POLR1E: variants seen among roughly 807,000 people sequenced by gnomAD.
POLR1E encodes RNA polymerase I subunit E, also known as DNA-directed RNA polymerase I subunit RPA49.
POLR1E carries 37 observed loss-of-function variants against 50.9 expected under a neutral mutation model. The ratio of observed to expected loss-of-function variants is 0.73; its 90% confidence interval spans 0.56 to 0.96. The LOEUF is 0.96. POLR1E is among the 40% of genes least tolerant of loss of function. The pLI is 0.00. For missense variants in POLR1E, 426 were observed against 518.1 expected (o/e 0.82, Z 1.73); for synonymous variants, 166 against 191.6 (o/e 0.87, Z 1.10).
chr9:37,496,625 T>TTC (rs1820791215), intron 8 of POLR1E, among the ~76,000 whole-genome samples: 1 of 83,986 alleles, frequency 1.2e-5, no homozygotes, highest in African/African-American at 4.6e-5. Context: ...TATTATTTCT[T>TTC]TTTTTTTTTT....
chr9:37,490,010 A>C (rs974130198), intron 4 of POLR1E, among the ~76,000 whole-genome samples: 4 of 144,330 alleles, frequency 2.8e-5, no homozygotes, highest in African/African-American at 1.0e-4. Flanking sequence ...TCAGAGGTTC[A>C]TAAAAGCAAT....
Position 37,498,095 on chromosome 9 carries a change from T to C in POLR1E, c.757T>C (p.Cys253Arg). The C allele has an allele frequency of 6.2e-7, 1 of 1,613,740 alleles. No homozygotes were observed. The highest frequency in any genetic ancestry group is 1.1e-5 in the South Asian group (1 of 90,978). ...ILKMIEENSH[C>R]TFVIEALKSL... ...CTTTTCTTTTCCTTGTTTTAGCCATTGCACCTTTGTCATAGAAGCGTTGAA... is the reference window on the plus strand; with the variant it reads ...CTTTTCTTTTCCTTGTTTTAGCCATCGCACCTTTGTCATAGAAGCGTTGAA... The change falls in exon 9 of 12, where the codon TGC (cysteine) becomes CGC (arginine). Residue 253 changes from cysteine to arginine, a missense_variant. Transcript: ENST00000377798.
intron 1 of POLR1E, chr9:37,486,393 C>G: frequency 6.6e-7 from 1 of 1,507,944 alleles, no homozygotes; most frequent in Non-Finnish European, 8.9e-7. Context: ...CCCGCCTCCC[C>G]CATTTCCCTC....
At chr9:37,495,509 A>G (rs957361630) in intron 7 of POLR1E, among the ~76,000 whole-genome samples, 3 of 152,198 alleles carry the variant, frequency 2.0e-5, no homozygotes, top group South Asian at 2.1e-4. Flanking sequence ...AAATGCCCAC[A>G]GCTTAGACCT....
chr9:37,498,209 G>C lies in POLR1E; in HGVS notation c.871G>C (p.Val291Leu). Reference sequence around the variant, plus strand: ...CCTCATCAAATTTCGAGCTCATAGGGTAGTTAAGCGGAAAAGTAAGTCTAT... The same window carrying C: ...CCTCATCAAATTTCGAGCTCATAGGCTAGTTAAGCGGAAAAGTAAGTCTAT... ...DTLIKFRAHR[V>L]VKRKSALGPG... is the part of the protein sequence containing the mutation. Residue 291 changes from valine to leucine, a missense_variant, in exon 9 of 12, where the codon GTA (valine) becomes CTA (leucine). Coordinates refer to ENST00000377798, the MANE Select transcript of POLR1E (RefSeq NM_022490.4). 6.2e-7 allele frequency: 1 copy of C among 1,613,118 alleles called. No homozygotes were observed. The highest frequency in any genetic ancestry group is 8.5e-7 in the Non-Finnish European group (1 of 1,179,618).
chr9:37,503,318 C>T lies in POLR1E; in HGVS notation c.*116C>T, dbSNP rs1400238453. The T allele has an allele frequency of 1.5e-5, 19 of 1,305,268 alleles. No homozygotes were observed. Among genetic ancestry groups the T allele is most frequent in the Non-Finnish European group, 1.9e-5 (19 of 980,632 alleles). The allele number at this position is 1,305,268 out of a possible 1,614,324, so 80.9% of individuals were successfully genotyped here. A position where few individuals can be genotyped will look rare whatever the true frequency, so the allele number is the denominator to read the frequency against. ...AAGGTCCGGGGATGGTGGCTCACAC[C>T]TGAAATCCCAGCACTTTGGGAGGCC... On this transcript the variant is annotated 3_prime_UTR_variant, in exon 12 of 12. Transcript: ENST00000377798.
At chr9:37,495,138 G>A in intron 6 of POLR1E, 31 bp from the exon 7 acceptor site, 1 of 1,540,528 alleles carries the variant, frequency 6.5e-7, no homozygotes, top group African/African-American at 1.4e-5. Context: ...AACAAACAGG[G>A]TGATACATGG....
chr9:37,502,973 C>A, intron 11 of POLR1E, 70 bp from the exon 12 acceptor site: 1 of 1,454,020 alleles, frequency 6.9e-7, no homozygotes, highest in Non-Finnish European at 9.2e-7. Flanking sequence ...GTGCTGCTAC[C>A]TTTTGCCAAA....
At chr9:37,491,559 G>A (rs1419057650) in intron 4 of POLR1E, among the ~76,000 whole-genome samples, 1 of 151,800 alleles carries the variant, frequency 6.6e-6, no homozygotes. Flanking sequence ...TGCCTCCCGG[G>A]TTCTAGCGAT....
intron 1 of POLR1E, chr9:37,486,479 C>T (rs1820577800): frequency 9.0e-6 from 14 of 1,551,936 alleles, no homozygotes; most frequent in Non-Finnish European, 1.2e-5. Flanking sequence ...TTCCGCGAGA[C>T]ATTCCCTCCT....
rs1481608712 is a variant in POLR1E, at chr9:37,486,199, C to T, written c.76+76C>T. On this transcript the variant is annotated intron_variant, in intron 1 of 11. Transcript: ENST00000377798. ...TCTCGGTACCTCAGCTGTCCTCTCG[C>T]CCTCCGTTGGGCTTCTCCCCAGCGG... is the stretch of plus-strand genomic sequence containing the variant. 6 of 1,478,030 alleles carry T rather than the reference C, an allele frequency of 4.1e-6. No homozygotes were observed. In the East Asian group the frequency reaches 9.8e-5, roughly 24 times the overall value. 91.6% of individuals were successfully genotyped at this position (1,478,030 alleles called of 1,614,324 possible).
chr9:37,491,238 A>G (rs1820678146), intron 4 of POLR1E, among the ~76,000 whole-genome samples: 1 of 152,190 alleles, frequency 6.6e-6, no homozygotes, highest in South Asian at 2.1e-4. Flanking sequence ...TGATGCCCTT[A>G]AATACTGGGA....
chr9:37,501,245 T>C (rs1820882698), intron 10 of POLR1E, among the ~76,000 whole-genome samples: 1 of 152,252 alleles, frequency 6.6e-6, no homozygotes, highest in African/African-American at 2.4e-5. Flanking sequence ...AAGGCAGCAT[T>C]GCAGAAAAGG....
chr9:37,493,550 C>G lies in POLR1E; in HGVS notation c.403-9C>G. On this transcript the variant is annotated splice_polypyrimidine_tract_variant and intron_variant, in intron 5 of 11. Coordinates refer to ENST00000377798, the MANE Select transcript of POLR1E (RefSeq NM_022490.4). ...CTGTCCCCAGTAACCAGGTTTATCTCATAAACAGATGGATTCTTGTATTGA... is the reference window on the plus strand; with the variant it reads ...CTGTCCCCAGTAACCAGGTTTATCTGATAAACAGATGGATTCTTGTATTGA... 6.3e-7 allele frequency: 1 copy of G among 1,587,840 alleles called. No individual in the cohort carries two copies. Among genetic ancestry groups the G allele is most frequent in the Non-Finnish European group, 8.6e-7 (1 of 1,164,802 alleles).
At chr9:37,494,090 G>A (rs1014401486) in intron 6 of POLR1E, among the ~76,000 whole-genome samples, 3 of 152,190 alleles carry the variant, frequency 2.0e-5, no homozygotes, top group Admixed American at 6.5e-5. Flanking sequence ...TTCACTTTGG[G>A]ATCAGTGGCT....
chr9:37,495,786 T>C, intron 7 of POLR1E, 104 bp from the exon 8 acceptor site: 1 of 799,984 alleles, frequency 1.3e-6, no homozygotes, highest in East Asian at 2.5e-5. Context: ...GATCTTTGGC[T>C]CTCTGAGCCT....
At chr9:37,496,623 C>CTTTTT (rs376455174) in intron 8 of POLR1E, among the ~76,000 whole-genome samples, 8 of 112,466 alleles carry the variant, frequency 7.1e-5, no homozygotes, top group East Asian at 2.5e-4. Flanking sequence ...ATTATTATTT[C>CTTTTT]TTTTTTTTTT....
intron 3 of POLR1E, among the ~76,000 whole-genome samples, chr9:37,488,542 G>C (rs893836327): frequency 4.8e-5 from 4 of 82,996 alleles, no homozygotes; most frequent in African/African-American, 2.3e-4. Flanking sequence ...CTCCAATAGA[G>C]GAGAGGTCAG....
intron 4 of POLR1E, chr9:37,492,202 C>T: frequency 9.0e-6 from 11 of 1,221,568 alleles, no homozygotes; most frequent in South Asian, 1.3e-5. Context: ...CTAAGTTATA[C>T]TGCCCTTATT....
Sources: allele counts gnomAD v4.1 joint callset (sites outside exome capture counted in the v4.1 genomes callset), GRCh38; gene constraint gnomAD v4.1.1; transcripts MANE v1.5; gene names NCBI Gene and HGNC (gene_info 2026-07-23, HGNC 2026-07-21).